ZC3H6: variants seen among roughly 807,000 people sequenced by gnomAD.
ZC3H6 encodes zinc finger CCCH domain-containing protein 6.
Under a neutral mutation model 107.7 loss-of-function variants are expected in ZC3H6, and 40 were observed. The observed-to-expected ratio is 0.37, with a 90% CI of 0.29 to 0.48. The LOEUF is 0.48. Among genes scored for constraint, ZC3H6 ranks in the 20% least tolerant of loss-of-function variants. The pLI, the probability that ZC3H6 is intolerant of heterozygous loss-of-function variation, is 0.98. For missense variants in ZC3H6, 1,267 were observed against 1,410.4 expected (o/e 0.90, Z 1.63); for synonymous variants, 493 against 487.9 (o/e 1.01, Z -0.14).
At position 112,335,293 on chromosome 2, in the gene ZC3H6, G is replaced by A. The variant is rs1224803564; in HGVS notation, c.*2805G>A. On this transcript the variant is annotated 3_prime_UTR_variant, in exon 12 of 12. Coordinates refer to ENST00000409871, the MANE Select transcript of ZC3H6 (RefSeq NM_198581.3). ...CGAAAGAGCCTAATTGTGAAATGAT[G>A]TGCGCTTATGTTTCTGTTTATCCTT... 6.6e-6 allele frequency: 1 copy of A among 152,156 alleles called. No homozygotes were observed. The highest frequency in any genetic ancestry group is 1.5e-5 in the Non-Finnish European group (1 of 68,026). 9.4% of individuals were successfully genotyped at this position (152,156 alleles called of 1,614,324 possible). A position where few individuals can be genotyped will look rare whatever the true frequency, so the allele number is the denominator to read the frequency against.
At chr2:112,294,847 C>A (rs548279616) in intron 1 of ZC3H6, among the ~76,000 whole-genome samples, 1 of 152,154 alleles carries the variant, frequency 6.6e-6, no homozygotes, top group South Asian at 2.1e-4. Context: ...AATTTTTATA[C>A]CATAGGGTAT....
At chr2:112,296,333 T>C (rs1228708542) in intron 1 of ZC3H6, among the ~76,000 whole-genome samples, 2 of 152,166 alleles carry the variant, frequency 1.3e-5, no homozygotes, top group East Asian at 3.8e-4. Flanking sequence ...ATTATGTCTA[T>C]AAGATTCCTC....
At chr2:112,304,940 G>T (rs765863683) in intron 3 of ZC3H6, among the ~76,000 whole-genome samples, 11 of 151,914 alleles carry the variant, frequency 7.2e-5, no homozygotes, top group Non-Finnish European at 1.6e-4. Context: ...AATAAATGAG[G>T]TTTTATTAAA....
Position 112,324,993 on chromosome 2 carries a change from C to A in ZC3H6, c.1882C>A (p.Gln628Lys), listed in dbSNP as rs1220301112. The change falls in exon 11 of 12, where the codon CAG (glutamine) becomes AAG (lysine). Residue 628 changes from glutamine to lysine, a missense_variant. Around this residue, in one of 3 missense-constraint regions of ZC3H6, gnomAD observed 925 missense variants for 1,025.7 expected, o/e 0.90. Coordinates refer to ENST00000409871, the MANE Select transcript of ZC3H6 (RefSeq NM_198581.3). ...DGMWHGEFAQ[Q>K]QPPVVQDSPN... Reference sequence around the variant, plus strand: ...GATGTGGCATGGTGAATTTGCCCAGCAGCAGCCTCCTGTTGTTCAAGACTC... The same window carrying A: ...GATGTGGCATGGTGAATTTGCCCAGAAGCAGCCTCCTGTTGTTCAAGACTC... The A allele has an allele frequency of 6.2e-7, 1 of 1,609,656 alleles. No homozygotes were observed. Among genetic ancestry groups the A allele is most frequent in the African/African-American group, 1.3e-5 (1 of 74,996 alleles).
Position 112,324,499 on chromosome 2 carries a change from T to C in ZC3H6, c.1688T>C (p.Val563Ala). 1 of 1,613,534 alleles carries C rather than the reference T, an allele frequency of 6.2e-7. No homozygotes were observed. The highest frequency in any genetic ancestry group is 8.5e-7 in the Non-Finnish European group (1 of 1,179,674). Residue 563 changes from valine (V) to alanine (A), a missense_variant, in exon 10 of 12, where the codon GTA becomes GCA. By Grantham distance (64) the Val-to-Ala change is moderately conservative. This residue lies in a region of ZC3H6 where 925 missense variants were observed against 1,025.7 expected (regional missense o/e 0.90). Transcript: ENST00000409871. ...GGCTTTCCAGGACATGTGATGAAAG[T>C]ACCCAGAGAGAATCACTGTTCTCCA... ...SPGFPGHVMK[V>A]PRENHCSPGS...
chr2:112,288,017 C>G (rs1182277563), intron 1 of ZC3H6, among the ~76,000 whole-genome samples: 1 of 152,238 alleles, frequency 6.6e-6, no homozygotes, highest in Non-Finnish European at 1.5e-5. Flanking sequence ...TCATTAACAT[C>G]TGTTGTCACC....
chr2:112,325,313 G>A (rs1676887588), intron 11 of ZC3H6, 116 bp downstream of exon 11: 3 of 924,670 alleles, frequency 3.2e-6, no homozygotes, highest in South Asian at 3.4e-5. Context: ...GGCCAACATG[G>A]TGAAACCCCA....
At chr2:112,300,443 G>T (rs1242388617) in intron 2 of ZC3H6, among the ~76,000 whole-genome samples, 7 of 152,194 alleles carry the variant, frequency 4.6e-5, no homozygotes, top group Non-Finnish European at 1.0e-4. Flanking sequence ...GGGCTCAAGT[G>T]ATGTGCCAAC....
intron 2 of ZC3H6, among the ~76,000 whole-genome samples, chr2:112,301,817 A>AAAAGATCAACAACATAT (rs1179725744): frequency 1.3e-5 from 2 of 152,092 alleles, no homozygotes; most frequent in Admixed American, 6.6e-5. Flanking sequence ...AGTTTTTTAA[A>AAAAGATCAACAACATAT]AAAGATCAAC....
At chr2:112,282,918 G>C (rs1464516070) in intron 1 of ZC3H6, among the ~76,000 whole-genome samples, 1 of 152,134 alleles carries the variant, frequency 6.6e-6, no homozygotes, top group African/African-American at 2.4e-5. Context: ...CCTTTCTCCT[G>C]GTTGATGCTT....
intron 1 of ZC3H6, among the ~76,000 whole-genome samples, chr2:112,296,266 A>G (rs1457875185): frequency 6.6e-6 from 1 of 152,152 alleles, no homozygotes; most frequent in African/African-American, 2.4e-5. Flanking sequence ...CTGTTTTCAA[A>G]GTGCATATAC....
At chr2:112,297,081 C>T (rs1676254711) in intron 1 of ZC3H6, among the ~76,000 whole-genome samples, 1 of 152,098 alleles carries the variant, frequency 6.6e-6, no homozygotes, top group Non-Finnish European at 1.5e-5. Context: ...GGCTTGTAGA[C>T]TTGAGAAATT....
intron 11 of ZC3H6, among the ~76,000 whole-genome samples, chr2:112,328,753 A>G (rs1676960114): frequency 6.6e-6 from 1 of 152,162 alleles, no homozygotes; most frequent in African/African-American, 2.4e-5. Flanking sequence ...ATCCTGGCCA[A>G]CATGGTGAAA....
In ZC3H6 at chr2:112,337,511, G is replaced by C. The variant is rs1475737494; in HGVS notation, c.*5023G>C. The C allele has an allele frequency of 6.6e-6, 1 of 151,434 alleles. No individual in the cohort carries two copies. The highest frequency in any genetic ancestry group is 2.4e-5 in the African/African-American group (1 of 41,138). 9.4% of individuals were successfully genotyped at this position (151,434 alleles called of 1,614,324 possible). A position where few individuals can be genotyped will look rare whatever the true frequency, so the allele number is the denominator to read the frequency against. On this transcript the variant is annotated 3_prime_UTR_variant, in exon 12 of 12. Transcript: ENST00000409871. ...CTAATTTATTGTATTTACTAGAGACGGGGTTTCACCATGTTGATCAGGCTG... is the reference window on the plus strand; with the variant it reads ...CTAATTTATTGTATTTACTAGAGACCGGGTTTCACCATGTTGATCAGGCTG...
chr2:112,334,374 G>T lies in ZC3H6; in HGVS notation c.*1886G>T, dbSNP rs1160543080. On this transcript the variant is annotated 3_prime_UTR_variant, in exon 12 of 12. Coordinates refer to ENST00000409871, the MANE Select transcript of ZC3H6 (RefSeq NM_198581.3). Reference sequence around the variant, plus strand: ...TTCATTCATGTAGTTTATAATTATTGTGTCAAGCAGTGCTGTTTACATTTT... The same window carrying T: ...TTCATTCATGTAGTTTATAATTATTTTGTCAAGCAGTGCTGTTTACATTTT... 6.6e-6 allele frequency: 1 copy of T among 151,938 alleles called. No homozygotes were observed. The highest frequency in any genetic ancestry group is 1.5e-5 in the Non-Finnish European group (1 of 67,924). 9.4% of individuals were successfully genotyped at this position (151,938 alleles called of 1,614,324 possible).
rs1558961152 is a variant in ZC3H6, at chr2:112,338,855, G to GTGTATA, written c.*6368_*6369insGTATAT. 2.6e-5 allele frequency: 1 copy of GTGTATA among 38,474 alleles called. No homozygotes were observed. Among genetic ancestry groups the GTGTATA allele is most frequent in the Non-Finnish European group, 4.4e-5 (1 of 22,860 alleles). 2.4% of individuals were successfully genotyped at this position (38,474 alleles called of 1,614,324 possible). The stretch of plus-strand genomic sequence containing the variant: ...TATATATATATGTATGTATATGTGT[G>GTGTATA]TATATATATATATATATATATATAT... On this transcript the variant is annotated 3_prime_UTR_variant, in exon 12 of 12. Transcript: ENST00000409871.
At chr2:112,322,302 T>TGCTGAGCTCCTTG (rs1228642642) in intron 8 of ZC3H6, among the ~76,000 whole-genome samples, 1 of 151,752 alleles carries the variant, frequency 6.6e-6, no homozygotes, top group Non-Finnish European at 1.5e-5. Context: ...TACTGCAACC[T>TGCTGAGCTCCTTG]CCACACCCTG....
rs1553493700 is a variant in ZC3H6, at chr2:112,308,404, T to TTTAA, written c.337-1479_337-1478insAATT. Reference sequence around the variant, plus strand: ...TTTGCCAGAGTAGTATTTTATTTTATTTTATTTATTTATTTATTTATTTAT... The same window carrying TTTAA: ...TTTGCCAGAGTAGTATTTTATTTTATTTAATTTATTTATTTATTTATTTATTTAT... On this transcript the variant is annotated intron_variant, in intron 3 of 11. Transcript: ENST00000409871. Among the ~76,000 whole-genome samples the TTTAA allele has an allele frequency of 7.5e-4, 104 of 138,310 alleles. 1 individual carries two copies. Among genetic ancestry groups the TTTAA allele is most frequent in the African/African-American group, 2.7e-3 (97 of 36,300 alleles). The allele number at this position is 138,310 out of a possible 152,430, so 90.7% of individuals were successfully genotyped here.
rs1048477896 is a variant in ZC3H6 at position 112,333,643 on chromosome 2, T to C, written c.*1155T>C. The C allele has an allele frequency of 6.6e-6, 1 of 152,170 alleles. No individual in the cohort carries two copies. Among genetic ancestry groups the C allele is most frequent in the African/African-American group, 2.4e-5 (1 of 41,464 alleles). 9.4% of individuals were successfully genotyped at this position (152,170 alleles called of 1,614,324 possible). The stretch of plus-strand genomic sequence containing the variant: ...TCATTCTTGTGTATTTATTACAATA[T>C]ATAAATAATGGCAACTCTTTGTTTT... On this transcript the variant is annotated 3_prime_UTR_variant, in exon 12 of 12. Coordinates refer to ENST00000409871, the MANE Select transcript of ZC3H6 (RefSeq NM_198581.3).
Sources: gnomAD v4.1 joint callset for allele counts (sites outside exome capture counted in the v4.1 genomes callset) on GRCh38, gnomAD v4.1.1 for gene constraint, gnomAD v4.1.1 regional missense constraint, MANE v1.5 for transcripts, NCBI Gene and HGNC (gene_info 2026-07-23, HGNC 2026-07-21) for gene names.